The following BAZ1A variants were observed in gnomAD, a reference collection of about 807,000 sequenced individuals.
BAZ1A encodes bromodomain adjacent to zinc finger domain 1A.
Under a neutral mutation model 185.2 loss-of-function variants are expected in BAZ1A, and 50 were observed. The ratio of observed to expected loss-of-function variants is 0.27; its 90% CI spans 0.22 to 0.34. The LOEUF (loss-of-function observed/expected upper bound fraction) is 0.34. Ranked by LOEUF, BAZ1A falls within the 10% of genes least tolerant of loss-of-function variation. The pLI is 1.00. For missense variants in BAZ1A, 1,356 were observed against 1,839.9 expected, an observed-to-expected ratio of 0.74 and a Z score of 4.81; for synonymous variants, 571 against 615.6, an observed-to-expected ratio of 0.93 and a Z score of 1.07.
chr14:34,812,035 G>T (rs2041936916), intron 4 of BAZ1A, among the ~76,000 whole-genome samples: 4 of 152,064 alleles, frequency 2.6e-5, no homozygotes, highest in Admixed American at 2.6e-4. Flanking sequence ...AAATAGTGAA[G>T]ATTCAGCAGT....
chr14:34,784,367 CAAAAAAAAA>C (rs368815964), intron 14 of BAZ1A, among the ~76,000 whole-genome samples: 2,250 of 77,124 alleles, frequency 0.029, 95 homozygotes, highest in Non-Finnish European at 0.041. Context: ...GACTCTGTCT[CAAAAAAAAA>C]AAAAAAAAAA....
intron 12 of BAZ1A, 116 bp downstream of exon 12, chr14:34,792,659 C>T: frequency 8.1e-7 from 1 of 1,231,058 alleles, no homozygotes; most frequent in Non-Finnish European, 1.1e-6. Flanking sequence ...CATCAGGTAA[C>T]CTGAACAACT....
At chr14:34,862,845 A>G (rs949606994) in intron 2 of BAZ1A, among the ~76,000 whole-genome samples, 9 of 151,776 alleles carry the variant, frequency 5.9e-5, no homozygotes, top group African/African-American at 2.2e-4. Flanking sequence ...ATAGAAGCAT[A>G]GGTTTCTGGA....
rs572334362 is a variant in BAZ1A at position 34,867,450 on chromosome 14, C to T, written c.114-5128G>A. On this transcript the variant is annotated intron_variant, in intron 2 of 26. Coordinates refer to ENST00000360310, the MANE Select transcript of BAZ1A (RefSeq NM_013448.3). ...TAGGTCACGCATGGGATATTTCATG[C>T]CATGGCAGGGGGACAGCTAAACGCA... Among the ~76,000 whole-genome samples, 12 of 143,416 alleles carry T rather than the reference C, an allele frequency of 8.4e-5. No individual in the cohort carries two copies. In the East Asian group the frequency reaches 2.5e-3, roughly 30 times the overall value. The allele number at this position is 143,416 out of a possible 152,430, so 94.1% of individuals were successfully genotyped here.
intron 4 of BAZ1A, 132 bp downstream of exon 4, chr14:34,825,881 T>C: frequency 1.2e-6 from 1 of 833,862 alleles, no homozygotes. Flanking sequence ...GAAGTTGCAG[T>C]GAGCTGAGAT....
rs1056223456 is a variant in BAZ1A at position 34,843,594 on chromosome 14, T to C, written c.393-17438A>G. On this transcript the variant is annotated intron_variant, in intron 3 of 26. Coordinates refer to ENST00000360310, the MANE Select transcript of BAZ1A (RefSeq NM_013448.3). ...GCAGCCAACCACAGAATTGTAAGAGTAATGTTTACTGATTTAGGCCACTAA... is the reference window on the plus strand; with the variant it reads ...GCAGCCAACCACAGAATTGTAAGAGCAATGTTTACTGATTTAGGCCACTAA... Among the ~76,000 whole-genome samples, 7 of 152,120 alleles carry C rather than the reference T, an allele frequency of 4.6e-5. No individual in the cohort carries two copies. The South Asian group carries it at 6.2e-4, about 14-fold the overall frequency.
intron 20 of BAZ1A, among the ~76,000 whole-genome samples, chr14:34,772,011 G>A (rs541163755): frequency 3.9e-5 from 6 of 152,150 alleles, no homozygotes; most frequent in Admixed American, 2.6e-4. Flanking sequence ...CTGGAGTGCA[G>A]TGGTGCGATC....
intron 9 of BAZ1A, among the ~76,000 whole-genome samples, chr14:34,798,126 G>A (rs1319468652): frequency 2.6e-5 from 4 of 152,214 alleles, no homozygotes; most frequent in Non-Finnish European, 5.9e-5. Context: ...GGGAGGGGGC[G>A]TCCGCCACTG....
intron 2 of BAZ1A, among the ~76,000 whole-genome samples, chr14:34,869,207 A>T (rs892074119): frequency 2.6e-5 from 4 of 151,864 alleles, no homozygotes; most frequent in African/African-American, 9.7e-5. Flanking sequence ...ACTCCGTCTC[A>T]AAATAAATAA....
intron 3 of BAZ1A, among the ~76,000 whole-genome samples, chr14:34,858,374 C>G (rs1594908708): frequency 6.6e-6 from 1 of 152,042 alleles, no homozygotes; most frequent in South Asian, 2.1e-4. Context: ...TCTGCCTCAG[C>G]CTCCTGAGTA....
At chr14:34,801,979 CTG>C (rs1342979665) in intron 7 of BAZ1A, among the ~76,000 whole-genome samples, 3 of 151,148 alleles carry the variant, frequency 2.0e-5, no homozygotes, top group South Asian at 2.1e-4. Flanking sequence ...TGAGTTAACT[CTG>C]TAGCTCTATA....
rs1165940985 is a variant in BAZ1A at position 34,825,999 on chromosome 14, T to A, written c.536+14A>T. On this transcript the variant is annotated intron_variant, in intron 4 of 26. Transcript: ENST00000360310. ...ATCTGCCAAATAATTTAAAAATTAA[T>A]AAAAATCACTTACCCATTTTGAAAA... 6.6e-7 allele frequency: 1 copy of A among 1,514,250 alleles called. No homozygotes were observed. The highest frequency in any genetic ancestry group is 1.4e-5 in the African/African-American group (1 of 70,504). The allele number at this position is 1,514,250 out of a possible 1,614,324, so 93.8% of individuals were successfully genotyped here.
At chr14:34,861,911 GC>G in intron 3 of BAZ1A, 132 bp downstream of exon 3, 1 of 1,004,648 alleles carries the variant, frequency 1.0e-6, no homozygotes, top group East Asian at 2.5e-5. Context: ...TAACACCGGG[GC>G]TATCTGTGGG....
chr14:34,795,860 G>C lies in BAZ1A; in HGVS notation c.1129-95C>G, dbSNP rs535214244. ...AACTTGTTAGAAATGCAAATACTTG[G>C]ACCTTACCCCATACCTACTGAAGCA... is the stretch of plus-strand genomic sequence containing the variant. On this transcript the variant is annotated intron_variant, in intron 9 of 26. Transcript: ENST00000360310. 541 of 883,630 alleles carry C rather than the reference G, an allele frequency of 6.1e-4. 3 individuals carry two copies. The highest frequency in any genetic ancestry group is 4.9e-3 in the Middle Eastern group (15 of 3,080). The allele number at this position is 883,630 out of a possible 1,614,324, so 54.7% of individuals were successfully genotyped here.
At chr14:34,867,304 T>C (rs1232491812) in intron 2 of BAZ1A, among the ~76,000 whole-genome samples, 1 of 152,178 alleles carries the variant, frequency 6.6e-6, no homozygotes, top group Admixed American at 6.5e-5. Context: ...TTTACATTTA[T>C]GTCTATCTTA....
rs1442993937 is a variant in BAZ1A, at chr14:34,851,527, A to C, written c.392+10517T>G. 2.0e-5 allele frequency among the ~76,000 whole-genome samples: 3 copies of C among 152,180 alleles called. No individual in the cohort carries two copies. The East Asian group carries it at 5.8e-4, about 29-fold the overall frequency. ...TGTTCCTTTGTTGTATGATTTCCACATCTTTTTTCCTGATTTAATTCTCCA... is the reference window on the plus strand; with the variant it reads ...TGTTCCTTTGTTGTATGATTTCCACCTCTTTTTTCCTGATTTAATTCTCCA... On this transcript the variant is annotated intron_variant, in intron 3 of 26. Coordinates refer to ENST00000360310, the MANE Select transcript of BAZ1A (RefSeq NM_013448.3).
At chr14:34,778,020 C>T (rs1032241381) in intron 17 of BAZ1A, among the ~76,000 whole-genome samples, 2 of 151,998 alleles carry the variant, frequency 1.3e-5, no homozygotes, top group African/African-American at 2.4e-5. Context: ...AAAATGGGGC[C>T]GGCCAGATTT....
Position 34,774,391 on chromosome 14 carries a change from C to A in BAZ1A, c.2933G>T (p.Arg978Met), listed in dbSNP as rs1879451543. 2 of 1,613,532 alleles carry A rather than the reference C, an allele frequency of 1.2e-6. No homozygotes were observed. Among genetic ancestry groups the A allele is most frequent in the Non-Finnish European group, 1.7e-6 (2 of 1,179,810 alleles). ...QMCAEKQLEL[R>M]LRDFLLDIED... Reference sequence around the variant, plus strand: ...AATATCTAAAAGAAAATCTCTCAGCCTTAGTTCAAGTTGCTTTTCTGCACA... The same window carrying A: ...AATATCTAAAAGAAAATCTCTCAGCATTAGTTCAAGTTGCTTTTCTGCACA... Residue 978 changes from arginine (R) to methionine (M), a missense_variant, in exon 19 of 27, where the codon AGG (arginine) becomes ATG (methionine). This residue lies in a region of BAZ1A where 434 missense variants were observed against 561.7 expected (regional missense o/e 0.77). Coordinates refer to ENST00000360310, the MANE Select transcript of BAZ1A (RefSeq NM_013448.3).
chr14:34,863,204 G>T (rs998254784), intron 2 of BAZ1A, among the ~76,000 whole-genome samples: 2 of 110,214 alleles, frequency 1.8e-5, no homozygotes, highest in East Asian at 5.7e-4. Flanking sequence ...CACTCTTGTC[G>T]CCCAGACTGG....
Sources: gnomAD v4.1 joint callset for allele counts (sites outside exome capture counted in the v4.1 genomes callset) on GRCh38, gnomAD v4.1.1 for gene constraint, gnomAD v4.1.1 regional missense constraint, MANE v1.5 for transcripts, NCBI Gene and HGNC (gene_info 2026-07-23, HGNC 2026-07-21) for gene names.